HSD17B2: variants seen among roughly 807,000 people sequenced by gnomAD.
The protein encoded by HSD17B2 is 17-beta-hydroxysteroid dehydrogenase type 2.
A neutral mutation model predicts 26.9 loss-of-function variants in HSD17B2; 32 were observed. The ratio of observed to expected loss-of-function variants is 1.19; its 90% CI spans 0.90 to 1.60. HSD17B2 has a LOEUF of 1.60. HSD17B2 is among the 40% of genes most tolerant of loss of function. The probability of loss-of-function intolerance (pLI) is 0.00; values close to 1 mark genes in which losing one functional copy is unlikely to be tolerated. For missense variants in HSD17B2, 613 were observed against 468.6 expected (o/e 1.31, Z -2.85); for synonymous variants, 246 against 186.7 (o/e 1.32, Z -2.59).
At chr16:82,095,492 C>T (rs1904814834) in intron 4 of HSD17B2, 1 of 152,912 alleles carries the variant, frequency 6.5e-6, no homozygotes, top group Non-Finnish European at 1.5e-5. Context: ...GCGTGGGAGA[C>T]CGCAAGCTTT....
intron 1 of HSD17B2, among the ~76,000 whole-genome samples, chr16:82,043,876 T>C (rs1018956966): frequency 2.0e-5 from 3 of 152,148 alleles, no homozygotes; most frequent in Non-Finnish European, 4.4e-5. Flanking sequence ...ATGCTAATGG[T>C]TGTAAATATC....
At chr16:82,064,963 C>T (rs1462189568) in intron 1 of HSD17B2, among the ~76,000 whole-genome samples, 1 of 152,220 alleles carries the variant, frequency 6.6e-6, no homozygotes, top group Non-Finnish European at 1.5e-5. Flanking sequence ...TTGGATCTTG[C>T]AGCCACAATT....
chr16:82,039,516 T>C (rs1239065144), intron 1 of HSD17B2, among the ~76,000 whole-genome samples: 2 of 152,130 alleles, frequency 1.3e-5, no homozygotes, highest in African/African-American at 2.4e-5. Context: ...GGGCCCAGTA[T>C]GTGCCATGCA....
chr16:82,037,713 A>C (rs1309114160), intron 1 of HSD17B2, among the ~76,000 whole-genome samples: 1 of 152,242 alleles, frequency 6.6e-6, no homozygotes, highest in Admixed American at 6.5e-5. Context: ...TCCTCTGGGT[A>C]TAACAATGTG....
At chr16:82,084,985 A>G (rs763582205) in intron 3 of HSD17B2, among the ~76,000 whole-genome samples, 8 of 152,306 alleles carry the variant, frequency 5.3e-5, no homozygotes, top group Middle Eastern at 6.8e-3. Context: ...TGGCCTCCCA[A>G]TGTATTGGGA....
intron 1 of HSD17B2, among the ~76,000 whole-genome samples, chr16:82,050,800 T>C (rs1212867275): frequency 6.6e-6 from 1 of 152,220 alleles, no homozygotes; most frequent in South Asian, 2.1e-4. Flanking sequence ...CTTGTAGTCA[T>C]GCTTTTGTTT....
At chr16:82,047,853 C>T (rs1051580127) in intron 1 of HSD17B2, among the ~76,000 whole-genome samples, 2 of 152,188 alleles carry the variant, frequency 1.3e-5, no homozygotes, top group Non-Finnish European at 2.9e-5. Flanking sequence ...CAGTGAAAAA[C>T]ATGGTGTCCA....
chr16:82,050,020 T>C (rs1177271700), intron 1 of HSD17B2, among the ~76,000 whole-genome samples: 2 of 152,254 alleles, frequency 1.3e-5, no homozygotes, highest in Non-Finnish European at 2.9e-5. Context: ...ATCTAAGGCA[T>C]GTGCCTGGGC....
At chr16:82,093,368 A>G (rs1373838396) in intron 4 of HSD17B2, 1 of 152,168 alleles carries the variant, frequency 6.6e-6, no homozygotes, top group Non-Finnish European at 1.5e-5. Context: ...ATATGTATGT[A>G]TCCTTTTGTG....
chr16:82,076,261 A>G (rs968907501), intron 3 of HSD17B2, among the ~76,000 whole-genome samples: 1 of 152,238 alleles, frequency 6.6e-6, no homozygotes, highest in Non-Finnish European at 1.5e-5. Flanking sequence ...GCCATATACA[A>G]TAGACCTATA....
intron 4 of HSD17B2, chr16:82,094,456 C>G (rs1248201220): frequency 6.6e-6 from 1 of 152,204 alleles, no homozygotes; most frequent in Admixed American, 6.6e-5. Context: ...GGATAACATG[C>G]CCTTGGGTGG....
chr16:82,066,964 T>C (rs1023462626), intron 1 of HSD17B2, among the ~76,000 whole-genome samples: 1 of 152,254 alleles, frequency 6.6e-6, no homozygotes, highest in African/African-American at 2.4e-5. Context: ...TGCAAGTATT[T>C]CTCTAGGATA....
chr16:82,050,573 G>C (rs764263406), intron 1 of HSD17B2, among the ~76,000 whole-genome samples: 1 of 152,048 alleles, frequency 6.6e-6, no homozygotes, highest in Admixed American at 6.6e-5. Flanking sequence ...CTGCTGTAGA[G>C]AATTCAAACC....
At chr16:82,087,710 A>G (rs1396370666) in intron 3 of HSD17B2, among the ~76,000 whole-genome samples, 1 of 152,172 alleles carries the variant, frequency 6.6e-6, no homozygotes, top group Middle Eastern at 3.2e-3. Flanking sequence ...GTAATTTATA[A>G]TGAACAGAAA....
At chr16:82,036,914 T>C (rs989532882) in intron 1 of HSD17B2, among the ~76,000 whole-genome samples, 8 of 152,194 alleles carry the variant, frequency 5.3e-5, no homozygotes, top group African/African-American at 1.9e-4. Context: ...CTGTTCTGTG[T>C]CCTGTTCTGT....
intron 3 of HSD17B2, among the ~76,000 whole-genome samples, chr16:82,084,953 G>A (rs1470499122): frequency 6.6e-6 from 1 of 152,176 alleles, no homozygotes; most frequent in Non-Finnish European, 1.5e-5. Context: ...TGAACTCCTG[G>A]CCTCAAACAA....
chr16:82,083,459 G>A (rs1904435797), intron 3 of HSD17B2, among the ~76,000 whole-genome samples: 2 of 152,178 alleles, frequency 1.3e-5, no homozygotes, highest in Admixed American at 1.3e-4. Flanking sequence ...CTGAACCTCT[G>A]AGTTGCAGCC....
intron 1 of HSD17B2, among the ~76,000 whole-genome samples, chr16:82,046,678 T>TG (rs1316268616): frequency 1.4e-5 from 2 of 144,174 alleles, no homozygotes; most frequent in East Asian, 3.9e-4. Context: ...GAGCTGATAA[T>TG]GGAAAAAAAA....
At chr16:82,039,741 C>A (rs574260711) in intron 1 of HSD17B2, among the ~76,000 whole-genome samples, 1 of 152,272 alleles carries the variant, frequency 6.6e-6, no homozygotes, top group South Asian at 2.1e-4. Context: ...GGCCTTTCAT[C>A]CTGCCCCCTC....
Sources: gnomAD v4.1 joint callset for allele counts (sites outside exome capture counted in the v4.1 genomes callset) on GRCh38, gnomAD v4.1.1 for gene constraint, MANE v1.5 for transcripts, NCBI Gene and HGNC (gene_info 2026-07-23, HGNC 2026-07-21) for gene names.